Variants in GPC6 observed in about 807,000 individuals in gnomAD.
GPC6 encodes the protein glypican-6.
A neutral mutation model predicts 55.2 loss-of-function variants in GPC6; 14 were observed. That is an observed-to-expected ratio of 0.25 (90% confidence interval 0.17 to 0.40). The LOEUF (loss-of-function observed/expected upper bound fraction) is 0.40, where lower values mean the gene tolerates loss of function less well. GPC6 is among the 10% of genes least tolerant of loss of function. GPC6 has a pLI of 1.00. For missense variants in GPC6, 641 were observed against 708.5 expected (o/e 0.90, Z 1.08); for synonymous variants, 278 against 259.6 (o/e 1.07, Z -0.68).
chr13:93,642,724 G>A (rs1185957082), intron 2 of GPC6, among the ~76,000 whole-genome samples: 1 of 151,986 alleles, frequency 6.6e-6, no homozygotes. Flanking sequence ...ACTCATTGCT[G>A]ACAATTTGTA....
At chr13:93,418,899 G>T (rs149192944) in intron 1 of GPC6, among the ~76,000 whole-genome samples, 2,643 of 126,684 alleles carry the variant, frequency 0.021, 103 homozygotes, top group African/African-American at 0.072. Context: ...TTAATGGCAC[G>T]ATACCATAGT....
intron 3 of GPC6, among the ~76,000 whole-genome samples, chr13:93,912,541 A>G (rs557058218): frequency 1.1e-4 from 16 of 152,256 alleles, no homozygotes; most frequent in Non-Finnish European, 2.1e-4. Flanking sequence ...CAGGAGATCG[A>G]GACCATCCTG....
At chr13:94,256,494 C>T (rs955673875) in intron 4 of GPC6, among the ~76,000 whole-genome samples, 6 of 152,140 alleles carry the variant, frequency 3.9e-5, no homozygotes, top group African/African-American at 1.4e-4. Flanking sequence ...GGGCAGAGCA[C>T]TGTACTTTTG....
intron 4 of GPC6, among the ~76,000 whole-genome samples, chr13:94,050,847 C>G (rs1883922053): frequency 6.6e-6 from 1 of 152,144 alleles, no homozygotes; most frequent in Non-Finnish European, 1.5e-5. Context: ...TGAAGCCACT[C>G]CTTCAGTGCC....
chr13:93,601,460 A>G (rs1022486054), intron 2 of GPC6, among the ~76,000 whole-genome samples: 1 of 152,198 alleles, frequency 6.6e-6, no homozygotes, highest in Non-Finnish European at 1.5e-5. Context: ...ACTTTCGAAT[A>G]GATGAGCATT....
intron 3 of GPC6, among the ~76,000 whole-genome samples, chr13:93,912,746 AAAAAC>A (rs917553079): frequency 6.6e-6 from 1 of 152,196 alleles, no homozygotes; most frequent in Non-Finnish European, 1.5e-5. Context: ...CCGTCTCAAA[AAAAAC>A]AAAACAAAAC....
rs558924456 is a variant in GPC6 at position 93,409,917 on chromosome 13, A to G, written c.161-135346A>G. Among the ~76,000 whole-genome samples, 12 of 152,334 alleles carry G rather than the reference A, an allele frequency of 7.9e-5. No individual in the cohort carries two copies. In the East Asian group the frequency reaches 2.3e-3, roughly 29 times the overall value. ...AATAAGAGTCATTTGTTCATTTCCA[A>G]GACCTAGCCTATACCTAGTTTGGTA... On this transcript the variant is annotated intron_variant, in intron 1 of 8. Coordinates refer to ENST00000377047, the MANE Select transcript of GPC6 (RefSeq NM_005708.5).
At chr13:93,235,181 A>T (rs564748551) in intron 1 of GPC6, among the ~76,000 whole-genome samples, 2 of 152,114 alleles carry the variant, frequency 1.3e-5, no homozygotes, top group Non-Finnish European at 2.9e-5. Flanking sequence ...TGAAGCTGAA[A>T]GGAGGAGGCA....
intron 6 of GPC6, among the ~76,000 whole-genome samples, chr13:94,363,094 T>TC (rs1879130957): frequency 6.6e-6 from 1 of 152,154 alleles, no homozygotes; most frequent in South Asian, 2.1e-4. Context: ...CCCGTGTCCA[T>TC]GTGTTCTCGT....
intron 3 of GPC6, among the ~76,000 whole-genome samples, chr13:94,021,883 C>T (rs1437975207): frequency 6.6e-6 from 1 of 152,002 alleles, no homozygotes; most frequent in Non-Finnish European, 1.5e-5. Context: ...TCTGTCTTTT[C>T]AGTAGTGGGA....
chr13:94,008,315 A>G (rs9561488), intron 3 of GPC6, among the ~76,000 whole-genome samples: 42,517 of 152,076 alleles, frequency 0.28, 6,098 homozygotes, highest in Non-Finnish European at 0.32. Context: ...CCTCCCTAAA[A>G]TAAATTTGAA....
intron 3 of GPC6, among the ~76,000 whole-genome samples, chr13:93,945,364 G>T (rs1337260645): frequency 1.3e-5 from 2 of 152,134 alleles, no homozygotes; most frequent in Non-Finnish European, 2.9e-5. Context: ...GCCTGCAAGG[G>T]AGTCAGCCAT....
At chr13:93,394,773 T>C (rs1017440547) in intron 1 of GPC6, among the ~76,000 whole-genome samples, 1 of 151,972 alleles carries the variant, frequency 6.6e-6, no homozygotes. Flanking sequence ...TGGTCTTGTT[T>C]CTCCATGTGG....
intron 4 of GPC6, among the ~76,000 whole-genome samples, chr13:94,196,884 CTT>C (rs1889593136): frequency 6.6e-6 from 1 of 152,098 alleles, no homozygotes; most frequent in South Asian, 2.1e-4. Context: ...AAAAGAGACA[CTT>C]ATATTGGCTG....
chr13:93,534,836 C>T (rs1881995364), intron 1 of GPC6, among the ~76,000 whole-genome samples: 1 of 152,138 alleles, frequency 6.6e-6, no homozygotes, highest in South Asian at 2.1e-4. Flanking sequence ...TTCACATTTA[C>T]AGTTTCTCTT....
At chr13:94,274,210 A>G (rs1337082207) in intron 4 of GPC6, among the ~76,000 whole-genome samples, 1 of 152,118 alleles carries the variant, frequency 6.6e-6, no homozygotes, top group African/African-American at 2.4e-5. Flanking sequence ...TTCCGCCACA[A>G]TTTGCATTTT....
At chr13:94,109,528 T>G (rs576561272) in intron 4 of GPC6, among the ~76,000 whole-genome samples, 1 of 152,262 alleles carries the variant, frequency 6.6e-6, no homozygotes, top group African/African-American at 2.4e-5. Context: ...ACAGACAGCA[T>G]CATACCACCT....
chr13:93,327,059 T>A (rs969344579), intron 1 of GPC6, among the ~76,000 whole-genome samples: 1 of 152,182 alleles, frequency 6.6e-6, no homozygotes, highest in African/African-American at 2.4e-5. Flanking sequence ...AAAAAAAGGA[T>A]GAGAATACAG....
Position 93,997,581 on chromosome 13 carries a change from A to ATGTGTGTGTGTGTGTGTG in GPC6, c.712-30139_712-30122dup, listed in dbSNP as rs146601294. Among the ~76,000 whole-genome samples the ATGTGTGTGTGTGTGTGTG allele has an allele frequency of 1.3e-3, 191 of 148,922 alleles. 1 individual carries two copies. In the South Asian group the frequency reaches 0.02, roughly 16 times the overall value. ...TCACATCAGCATAAAAAGACATAAT[A>ATGTGTGTGTGTGTGTGTG]TGTGTGTGTGTGTGTGTGTGTGTGT... is the stretch of plus-strand genomic sequence containing the variant. On this transcript the variant is annotated intron_variant, in intron 3 of 8. Transcript: ENST00000377047.
Sources: allele counts gnomAD v4.1 joint callset (sites outside exome capture counted in the v4.1 genomes callset), GRCh38; gene constraint gnomAD v4.1.1; transcripts MANE v1.5; gene names NCBI Gene and HGNC (gene_info 2026-07-23, HGNC 2026-07-21).